The following SIX4 variants were observed in gnomAD, a reference collection of about 807,000 sequenced individuals.
The protein encoded by SIX4 is SIX homeobox 4, also known as homeobox protein SIX4.
A neutral mutation model predicts 51.5 loss-of-function variants in SIX4; 23 were observed. The ratio of observed to expected loss-of-function variants is 0.45; its 90% confidence interval spans 0.32 to 0.63. The LOEUF is 0.63. Among genes scored for constraint, SIX4 ranks in the 30% least tolerant of loss-of-function variants. The pLI, the probability that SIX4 is intolerant of heterozygous loss-of-function variation, is 0.04. For synonymous variants in SIX4, 413 were observed against 417.3 expected (o/e 0.99, Z 0.13); for missense variants, 867 against 984.0 (o/e 0.88, Z 1.59).
At chr14:60,716,308 G>A (rs1003458412) in intron 2 of SIX4, among the ~76,000 whole-genome samples, 2 of 151,710 alleles carry the variant, frequency 1.3e-5, no homozygotes, top group South Asian at 2.1e-4. Context: ...GCTGGAGTGC[G>A]GTGGTGCAAT....
In SIX4 at chr14:60,720,961, CA is replaced by C; in HGVS notation, c.864-517del. The C allele has an allele frequency of 3.0e-6, 3 of 987,062 alleles. No individual in the cohort carries two copies. The highest frequency in any genetic ancestry group is 3.6e-6 in the Non-Finnish European group (3 of 831,180). The allele number at this position is 987,062 out of a possible 1,614,324, so 61.1% of individuals were successfully genotyped here. A position where few individuals can be genotyped will look rare whatever the true frequency, so the allele number is the denominator to read the frequency against. ...TTTTCTTTTTTGGTCAGTTAGTTAA[CA>C]AGAGATCGTTTTCTCACCTGCTCCC... On this transcript the variant is annotated intron_variant, in intron 1 of 2. Transcript: ENST00000216513. This position sits in a 1 kb window ranked among gnomAD's most constrained non-coding sequence, Gnocchi z 5.5.
Position 60,722,386 on chromosome 14 carries a change from C to T in SIX4, c.863+826G>A, listed in dbSNP as rs949835164. ...CTGCCGCCCGCCGTAAGCCGGCCTG[C>T]CCCCCACCCATAACTACCGTACCAG... is the stretch of plus-strand genomic sequence containing the variant. On this transcript the variant is annotated intron_variant, in intron 1 of 2. Transcript: ENST00000216513. The surrounding 1 kb of genome is among the most constrained non-coding windows in gnomAD (Gnocchi z 5.9). 5.3e-5 allele frequency among the ~76,000 whole-genome samples: 8 copies of T among 152,082 alleles called. No homozygotes were observed. Among genetic ancestry groups the T allele is most frequent in the African/African-American group, 1.9e-4 (8 of 41,420 alleles).
In SIX4 at chr14:60,709,657, C is replaced by T. The variant is rs1327338309; in HGVS notation, c.*3750G>A. ...TAAACCCCCATTACAGTACGACATA[C>T]ATACTTCAGATCTCTTTGGTTGGGT... is the stretch of plus-strand genomic sequence containing the variant. On this transcript the variant is annotated 3_prime_UTR_variant, in exon 3 of 3. Coordinates refer to ENST00000216513, the MANE Select transcript of SIX4 (RefSeq NM_017420.5). This position sits in a 1 kb window ranked among gnomAD's most constrained non-coding sequence, Gnocchi z 4.1. 3.3e-5 allele frequency: 5 copies of T among 152,630 alleles called. No homozygotes were observed. The highest frequency in any genetic ancestry group is 2.6e-4 in the Admixed American group (4 of 15,276). The allele number at this position is 152,630 out of a possible 1,614,324, so 9.5% of individuals were successfully genotyped here.
At chr14:60,718,198 T>C (rs953460396) in intron 2 of SIX4, among the ~76,000 whole-genome samples, 2 of 152,178 alleles carry the variant, frequency 1.3e-5, no homozygotes, top group African/African-American at 4.8e-5. Context: ...AAATGTTTTA[T>C]TGAGAACTGC....
chr14:60,720,328 A>T lies in SIX4; in HGVS notation c.981T>A (p.His327Gln). ...TTTGTTGCATATATACTGGCTCCAT[A>T]TGACTGGAAAGGCTGAGGTTGGTGA... Reference protein sequence around the residue: ...DGITNLSLSSHMEPVYMQQIG... With the variant: ...DGITNLSLSSQMEPVYMQQIG... The change falls in exon 2 of 3, where the codon CAT (histidine) becomes CAA (glutamine). Residue 327 changes from histidine (H) to glutamine (Q), a missense_variant. His to Gln is a conservative substitution (Grantham distance 24). Coordinates refer to ENST00000216513, the MANE Select transcript of SIX4 (RefSeq NM_017420.5). The surrounding 1 kb of genome is among the most constrained non-coding windows in gnomAD (Gnocchi z 5.5). 6.2e-7 allele frequency: 1 copy of T among 1,614,200 alleles called. No individual in the cohort carries two copies. Among genetic ancestry groups the T allele is most frequent in the African/African-American group, 1.3e-5 (1 of 75,054 alleles).
Position 60,720,163 on chromosome 14 carries a change from A to G in SIX4, c.1146T>C (p.Asn382=), listed in dbSNP as rs1895995707. The change falls in exon 2 of 3, where the codon AAT becomes AAC. Residue 382 remains asparagine, a synonymous_variant. Coordinates refer to ENST00000216513, the MANE Select transcript of SIX4 (RefSeq NM_017420.5). This position sits in a 1 kb window ranked among gnomAD's most constrained non-coding sequence, Gnocchi z 5.5. ...ATGCCACTGCCTGTGTATTTCCCACATTTAATCCATTAAGGATAACTCCAC... is the reference window on the plus strand; with the variant it reads ...ATGCCACTGCCTGTGTATTTCCCACGTTTAATCCATTAAGGATAACTCCAC... ...GPSGVILNGL[N]VGNTQAVALN... is the part of the protein sequence containing the mutation. 3 of 1,614,096 alleles carry G rather than the reference A, an allele frequency of 1.9e-6. No homozygotes were observed. Among genetic ancestry groups the G allele is most frequent in the Non-Finnish European group, 2.5e-6 (3 of 1,180,056 alleles).
In SIX4 at chr14:60,710,303, C is replaced by T. The variant is rs1895798382; in HGVS notation, c.*3104G>A. ...TGCCTTTCATAACACAAGAAAGGCA[C>T]TGAAACGTGTACAATTTAAAAAGTC... On this transcript the variant is annotated 3_prime_UTR_variant, in exon 3 of 3. Transcript: ENST00000216513. 1 of 152,600 alleles carries T rather than the reference C, an allele frequency of 6.6e-6. No individual in the cohort carries two copies. Among genetic ancestry groups the T allele is most frequent in the Non-Finnish European group, 1.5e-5 (1 of 68,028 alleles). The allele number at this position is 152,600 out of a possible 1,614,324, so 9.5% of individuals were successfully genotyped here.
In SIX4 at chr14:60,711,237, A is replaced by ATC. The variant is rs1036309708; in HGVS notation, c.*2169_*2170insGA. Reference sequence around the variant, plus strand: ...AGTAGTAGAGTGGAAAAGAACTCTCAAACACCTGACTTTGTAAAACAAAAC... The same window carrying ATC: ...AGTAGTAGAGTGGAAAAGAACTCTCATCAACACCTGACTTTGTAAAACAAAAC... On this transcript the variant is annotated 3_prime_UTR_variant, in exon 3 of 3. Coordinates refer to ENST00000216513, the MANE Select transcript of SIX4 (RefSeq NM_017420.5). 6.6e-6 allele frequency: 1 copy of ATC among 152,488 alleles called. No homozygotes were observed. The highest frequency in any genetic ancestry group is 1.5e-5 in the Non-Finnish European group (1 of 68,022). The allele number at this position is 152,488 out of a possible 1,614,324, so 9.4% of individuals were successfully genotyped here. A position where few individuals can be genotyped will look rare whatever the true frequency, so the allele number is the denominator to read the frequency against.
In SIX4 at chr14:60,722,179, A is replaced by G. The variant is rs946257896; in HGVS notation, c.863+1033T>C. Among the ~76,000 whole-genome samples, 2 of 152,188 alleles carry G rather than the reference A, an allele frequency of 1.3e-5. No individual in the cohort carries two copies. The highest frequency in any genetic ancestry group is 2.9e-5 in the Non-Finnish European group (2 of 68,032). On this transcript the variant is annotated intron_variant, in intron 1 of 2. Coordinates refer to ENST00000216513, the MANE Select transcript of SIX4 (RefSeq NM_017420.5). The surrounding 1 kb of genome is among the most constrained non-coding windows in gnomAD (Gnocchi z 5.9). ...GCGGGGCTGGAGACACCAGGTCTTT[A>G]GGCGACCTTCTCCTTACTTTGTTTC...
In SIX4 at chr14:60,722,768, C is replaced by G. The variant is rs1272788491; in HGVS notation, c.863+444G>C. On this transcript the variant is annotated intron_variant, in intron 1 of 2. Transcript: ENST00000216513. The surrounding 1 kb of genome is among the most constrained non-coding windows in gnomAD (Gnocchi z 5.9). Reference sequence around the variant, plus strand: ...GCGCGCGCCAGGCCCGGTGTGACCTCGCGGAGGTGCAGACCCCGGCCGGCG... The same window carrying G: ...GCGCGCGCCAGGCCCGGTGTGACCTGGCGGAGGTGCAGACCCCGGCCGGCG... 6.6e-6 allele frequency among the ~76,000 whole-genome samples: 1 copy of G among 152,014 alleles called. No homozygotes were observed. Among genetic ancestry groups the G allele is most frequent in the African/African-American group, 2.4e-5 (1 of 41,416 alleles).
At chr14:60,718,822 G>T (rs58160480) in intron 2 of SIX4, among the ~76,000 whole-genome samples, 4 of 151,092 alleles carry the variant, frequency 2.6e-5, no homozygotes, top group Admixed American at 1.3e-4. Flanking sequence ...TGATTTTTTT[G>T]GGGGGGTGGT....
intron 1 of SIX4, 138 bp downstream of exon 1, chr14:60,723,074 A>AG: frequency 7.4e-7 from 1 of 1,344,134 alleles, no homozygotes; most frequent in Non-Finnish European, 9.5e-7. Context: ...GGAGCGAGGT[A>AG]GGGGGCGGGG....
Position 60,723,981 on chromosome 14 carries a change from G to A in SIX4, c.94C>T (p.His32Tyr). 1 of 1,513,706 alleles carries A rather than the reference G, an allele frequency of 6.6e-7. No individual in the cohort carries two copies. The highest frequency in any genetic ancestry group is 8.8e-7 in the Non-Finnish European group (1 of 1,135,568). The allele number at this position is 1,513,706 out of a possible 1,614,324, so 93.8% of individuals were successfully genotyped here. A position where few individuals can be genotyped will look rare whatever the true frequency, so the allele number is the denominator to read the frequency against. ...GCCGCGCCCCCCGCCACTTCTCGGTGCGCCTCCTGCCCTTCCGAGGCGCTT... is the reference window on the plus strand; with the variant it reads ...GCCGCGCCCCCCGCCACTTCTCGGTACGCCTCCTGCCCTTCCGAGGCGCTT... The part of the protein sequence containing the change: ...MESASEGQEA[H>Y]REVAGGAAVG... Residue 32 changes from histidine (H) to tyrosine (Y), a missense_variant, in exon 1 of 3, where the codon CAC (histidine) becomes TAC (tyrosine). His to Tyr is a moderately conservative substitution (Grantham distance 83, BLOSUM62 2). Transcript: ENST00000216513.
At chr14:60,721,269 A>T in intron 1 of SIX4, 5 of 502,950 alleles carry the variant, frequency 9.9e-6, no homozygotes, top group Non-Finnish European at 1.3e-5. Flanking sequence ...CTTGGGAGAA[A>T]TACCAAATCG....
Position 60,724,222 on chromosome 14 carries a change from G to T in SIX4, c.-148C>A, listed in dbSNP as rs759558105. 3 of 1,547,614 alleles carry T rather than the reference G, an allele frequency of 1.9e-6. No individual in the cohort carries two copies. The South Asian group carries it at 3.5e-5, about 18-fold the overall frequency. On this transcript the variant is annotated 5_prime_UTR_variant, in exon 1 of 3. Coordinates refer to ENST00000216513, the MANE Select transcript of SIX4 (RefSeq NM_017420.5). Reference sequence around the variant, plus strand: ...CTCCCTCCTGGTTTCGGCTGTATCTGGCCGATCAGGTTTCCCCCCGGCCAC... The same window carrying T: ...CTCCCTCCTGGTTTCGGCTGTATCTTGCCGATCAGGTTTCCCCCCGGCCAC...
rs1008337427 is a variant in SIX4, at chr14:60,722,236, G to A, written c.863+976C>T. Among the ~76,000 whole-genome samples, 1 of 152,232 alleles carries A rather than the reference G, an allele frequency of 6.6e-6. No individual in the cohort carries two copies. Among genetic ancestry groups the A allele is most frequent in the African/African-American group, 2.4e-5 (1 of 41,466 alleles). The stretch of plus-strand genomic sequence containing the variant: ...CAAAACACACAGACGCACACACCAA[G>A]TGTCTGACTCGGGAGGACGCACAAA... On this transcript the variant is annotated intron_variant, in intron 1 of 2. Transcript: ENST00000216513. The surrounding 1 kb of genome is among the most constrained non-coding windows in gnomAD (Gnocchi z 5.9).
At position 60,714,198 on chromosome 14, in the gene SIX4, T is replaced by A. The variant is rs775517376; in HGVS notation, c.1555A>T (p.Ile519Phe). 1.3e-6 allele frequency: 2 copies of A among 1,570,418 alleles called. No homozygotes were observed. The highest frequency in any genetic ancestry group is 2.0e-5 in the Admixed American group (1 of 49,104). ...TCTGAAGTGCTTGAGCTTACTGAGA[T>A]ATTACCTAAAAAAAATAAAGTACTG... ...PVSVAASQGN[I>F]SVSSSTSDGS... Residue 519 changes from isoleucine to phenylalanine, a missense_variant, in exon 3 of 3, where the codon ATC becomes TTC. Transcript: ENST00000216513.
chr14:60,720,948 G>T lies in SIX4; in HGVS notation c.864-503C>A. ...GGAAGTGCTCAGCTTTTCTTTTTTGGTCAGTTAGTTAACAAGAGATCGTTT... is the reference window on the plus strand; with the variant it reads ...GGAAGTGCTCAGCTTTTCTTTTTTGTTCAGTTAGTTAACAAGAGATCGTTT... On this transcript the variant is annotated intron_variant, in intron 1 of 2. Coordinates refer to ENST00000216513, the MANE Select transcript of SIX4 (RefSeq NM_017420.5). This position sits in a 1 kb window ranked among gnomAD's most constrained non-coding sequence, Gnocchi z 5.5. The T allele has an allele frequency of 1.0e-6, 1 of 987,292 alleles. No homozygotes were observed. 61.2% of individuals were successfully genotyped at this position (987,292 alleles called of 1,614,324 possible).
At chr14:60,723,166 G>T (rs761694842) in intron 1 of SIX4, 46 bp downstream of exon 1, 2 of 1,518,598 alleles carry the variant, frequency 1.3e-6, no homozygotes, top group Admixed American at 2.2e-5. Flanking sequence ...AGCCGGGAAG[G>T]GGGTGGGGGA....
Sources: gnomAD v4.1 joint callset for allele counts (sites outside exome capture counted in the v4.1 genomes callset) on GRCh38, gnomAD v4.1.1 for gene constraint, Gnocchi (gnomAD v3.1) non-coding constraint, MANE v1.5 for transcripts, NCBI Gene and HGNC (gene_info 2026-07-23, HGNC 2026-07-21) for gene names.